Variants in XIRP2 observed in about 807,000 individuals in gnomAD.
XIRP2 encodes xin actin-binding repeat-containing protein 2.
XIRP2 carries 236 observed loss-of-function variants against 277.0 expected under a neutral mutation model. That is an observed-to-expected ratio of 0.85 (90% confidence interval 0.77 to 0.95). The LOEUF is 0.95. Among genes scored for constraint, XIRP2 ranks in the 40% least tolerant of loss-of-function variants. The pLI, the probability that XIRP2 is intolerant of heterozygous loss-of-function variation, is 0.00. For missense variants in XIRP2, 4,640 were observed against 4,157.5 expected (o/e 1.12, Z -3.19); for synonymous variants, 1,490 against 1,416.5 (o/e 1.05, Z -1.17).
At position 167,224,075 on chromosome 2, in the gene XIRP2, T is replaced by C. The variant is rs374757046; in HGVS notation, c.858+5775T>C. Among the ~76,000 whole-genome samples the C allele has an allele frequency of 3.2e-4, 49 of 152,184 alleles. 2 individuals are homozygous for C. The South Asian group carries it at 9.7e-3, about 30-fold the overall frequency. On this transcript the variant is annotated intron_variant, in intron 5 of 10. Transcript: ENST00000409195. Reference sequence around the variant, plus strand: ...TGTTAAGGACCTTCTTGCTATGTCATAATGTGGCAGAAAGTGAGAGGGTCT... The same window carrying C: ...TGTTAAGGACCTTCTTGCTATGTCACAATGTGGCAGAAAGTGAGAGGGTCT...
chr2:167,210,953 C>T (rs1694012515), intron 4 of XIRP2, 58 bp downstream of exon 4: 1 of 1,587,088 alleles, frequency 6.3e-7, no homozygotes. Flanking sequence ...GTCCCAATTC[C>T]CTCTTTATAT....
chr2:167,012,657 A>G (rs182474957), intron 2 of XIRP2, among the ~76,000 whole-genome samples: 5 of 151,680 alleles, frequency 3.3e-5, no homozygotes, highest in Admixed American at 6.6e-5. Context: ...ATGTCCTTGT[A>G]AAATGTCCTG....
At chr2:167,161,095 G>C (rs1224119946) in intron 3 of XIRP2, among the ~76,000 whole-genome samples, 1 of 152,212 alleles carries the variant, frequency 6.6e-6, no homozygotes, top group Non-Finnish European at 1.5e-5. Flanking sequence ...TCCAGGTCAT[G>C]CTGGAGCAAG....
At chr2:167,116,506 T>C (rs1339139744) in intron 2 of XIRP2, among the ~76,000 whole-genome samples, 2 of 152,212 alleles carry the variant, frequency 1.3e-5, no homozygotes, top group Non-Finnish European at 2.9e-5. Flanking sequence ...TTCGACTTAT[T>C]CTTTCAACCT....
chr2:167,134,327 A>G (rs1325749586), intron 2 of XIRP2, among the ~76,000 whole-genome samples: 2 of 151,574 alleles, frequency 1.3e-5, no homozygotes, highest in Admixed American at 6.6e-5. Context: ...ATATCTTCAT[A>G]TATACTTGTT....
intron 3 of XIRP2, among the ~76,000 whole-genome samples, chr2:167,164,403 G>C (rs576927871): frequency 1.5e-5 from 2 of 129,794 alleles, no homozygotes; most frequent in Non-Finnish European, 3.1e-5. Context: ...CCAAGATAGC[G>C]CCACTGCAGT....
At chr2:167,116,818 G>T (rs539835647) in intron 2 of XIRP2, among the ~76,000 whole-genome samples, 1 of 152,180 alleles carries the variant, frequency 6.6e-6, no homozygotes, top group Non-Finnish European at 1.5e-5. Context: ...ATTTCTGTCA[G>T]CAGAAGAGTT....
At chr2:167,147,791 G>A (rs777048800) in intron 3 of XIRP2, among the ~76,000 whole-genome samples, 5 of 152,216 alleles carry the variant, frequency 3.3e-5, no homozygotes, top group South Asian at 2.1e-4. Flanking sequence ...TGAGAATAAC[G>A]GCTCTTCCGA....
At chr2:166,892,106 CAT>C (rs768548415) in intron 1 of XIRP2, among the ~76,000 whole-genome samples, 1 of 152,112 alleles carries the variant, frequency 6.6e-6, no homozygotes, top group Non-Finnish European at 1.5e-5. Context: ...CCTTCAGACA[CAT>C]GTTGTAGTTT....
chr2:166,915,771 A>T (rs1684856147), intron 2 of XIRP2, among the ~76,000 whole-genome samples: 3 of 152,212 alleles, frequency 2.0e-5, no homozygotes, highest in Non-Finnish European at 2.9e-5. Context: ...TTCAATGCAC[A>T]CTTATGATCT....
Position 167,246,028 on chromosome 2 carries a change from G to A in XIRP2, c.4636G>A (p.Glu1546Lys), listed in dbSNP as rs1255731420. 6.2e-7 allele frequency: 1 copy of A among 1,613,282 alleles called. No individual in the cohort carries two copies. The highest frequency in any genetic ancestry group is 1.3e-5 in the African/African-American group (1 of 74,944). ...TAATGAAACTAGAGTAGAAAAGATAGAAATTATTGGCAAGAGCATTAAAGA... is the reference window on the plus strand; with the variant it reads ...TAATGAAACTAGAGTAGAAAAGATAAAAATTATTGGCAAGAGCATTAAAGA... ...EFNETRVEKI[E>K]IIGKSIKETL... is the part of the protein sequence containing the mutation. The change falls in exon 9 of 11, where the codon GAA (glutamate) becomes AAA (lysine). Residue 1546 changes from glutamate (E) to lysine (K), a missense_variant. Glu to Lys is a moderately conservative substitution (Grantham distance 56, BLOSUM62 1). Coordinates refer to ENST00000409195, the MANE Select transcript of XIRP2 (RefSeq NM_152381.6).
chr2:167,174,296 G>A (rs1692777330), intron 3 of XIRP2, among the ~76,000 whole-genome samples: 5 of 152,160 alleles, frequency 3.3e-5, no homozygotes, highest in African/African-American at 7.2e-5. Flanking sequence ...TTCAGAGCCT[G>A]TTATTGGTCT....
chr2:167,026,819 G>A (rs977858463), intron 2 of XIRP2, among the ~76,000 whole-genome samples: 9 of 151,990 alleles, frequency 5.9e-5, no homozygotes, highest in Non-Finnish European at 1.3e-4. Context: ...TTTTCTTTAA[G>A]AATGTTGAAT....
chr2:167,215,584 T>A (rs1413072142), intron 4 of XIRP2, among the ~76,000 whole-genome samples: 2 of 152,178 alleles, frequency 1.3e-5, no homozygotes, highest in Non-Finnish European at 2.9e-5. Context: ...CCCCAGTCCA[T>A]GGTATAGAAA....
chr2:167,038,616 C>T, intron 2 of XIRP2, among the ~76,000 whole-genome samples: 1 of 151,326 alleles, frequency 6.6e-6, no homozygotes, highest in Non-Finnish European at 1.5e-5. Context: ...TGTATCTTCT[C>T]TTATACAAAT....
chr2:166,975,183 T>C (rs770479025), intron 2 of XIRP2, among the ~76,000 whole-genome samples: 33 of 152,034 alleles, frequency 2.2e-4, no homozygotes, highest in Non-Finnish European at 4.6e-4. Context: ...AATGGATAAA[T>C]AGATCTACAA....
chr2:166,901,019 G>A (rs1346906690), intron 1 of XIRP2, among the ~76,000 whole-genome samples: 1 of 152,138 alleles, frequency 6.6e-6, no homozygotes, highest in African/African-American at 2.4e-5. Context: ...CAAAAAGCCA[G>A]AAACTTACAC....
chr2:167,011,636 C>T (rs1687682323), intron 2 of XIRP2, among the ~76,000 whole-genome samples: 1 of 151,648 alleles, frequency 6.6e-6, no homozygotes, highest in Admixed American at 6.6e-5. Flanking sequence ...GGAATAGTTT[C>T]AGAAGGAATG....
intron 2 of XIRP2, among the ~76,000 whole-genome samples, chr2:167,130,987 C>A (rs958077306): frequency 2.0e-5 from 3 of 152,062 alleles, no homozygotes; most frequent in African/African-American, 7.2e-5. Context: ...CCACAGTCAT[C>A]TTTAGTCATC....
Sources: allele counts gnomAD v4.1 joint callset (sites outside exome capture counted in the v4.1 genomes callset), GRCh38; gene constraint gnomAD v4.1.1; transcripts MANE v1.5; gene names NCBI Gene and HGNC (gene_info 2026-07-23, HGNC 2026-07-21).